The following AGMO variants were observed in gnomAD, a reference collection of about 807,000 sequenced individuals.
The protein encoded by AGMO is alkylglycerol monooxygenase.
Under a neutral mutation model 60.2 loss-of-function variants are expected in AGMO, and 75 were observed. The observed-to-expected ratio is 1.25, with a 90% CI of 1.03 to 1.51. The LOEUF is 1.51. Among genes scored for constraint, AGMO ranks in the 40% most tolerant of loss-of-function variants. The probability of loss-of-function intolerance (pLI) is 0.00; values close to 1 mark genes in which losing one functional copy is unlikely to be tolerated. For missense variants in AGMO, 763 were observed against 525.5 expected (o/e 1.45, Z -4.42); for synonymous variants, 261 against 177.1 (o/e 1.47, Z -3.76).
chr7:15,525,396 C>G (rs1385889586), intron 3 of AGMO, among the ~76,000 whole-genome samples: 1 of 152,040 alleles, frequency 6.6e-6, no homozygotes, highest in Non-Finnish European at 1.5e-5. Context: ...TTTACATATA[C>G]CTACCCTTCC....
intron 12 of AGMO, among the ~76,000 whole-genome samples, chr7:15,227,399 T>C (rs1032307034): frequency 6.6e-6 from 1 of 151,454 alleles, no homozygotes; most frequent in Non-Finnish European, 1.5e-5. Context: ...ACTGAAACTG[T>C]GCCCCAAAGA....
intron 4 of AGMO, among the ~76,000 whole-genome samples, chr7:15,425,951 G>A (rs1781050648): frequency 6.6e-6 from 1 of 152,082 alleles, no homozygotes; most frequent in African/African-American, 2.4e-5. Context: ...AATTTATTAT[G>A]CTTTTGAGAG....
At chr7:15,267,082 G>A (rs1024606220) in intron 12 of AGMO, among the ~76,000 whole-genome samples, 10 of 151,950 alleles carry the variant, frequency 6.6e-5, no homozygotes, top group Admixed American at 1.3e-4. Context: ...CATTAGAGGC[G>A]TCTACTTTGT....
the AGMO span, among the ~76,000 whole-genome samples, chr7:15,165,494 A>G: frequency 2.0e-5 from 3 of 152,226 alleles, no homozygotes; most frequent in African/African-American, 7.2e-5. Context: ...AGAGTCTTAC[A>G]GTTCCTAAAA....
At chr7:15,505,862 A>C (rs1440543538) in intron 3 of AGMO, among the ~76,000 whole-genome samples, 1 of 152,078 alleles carries the variant, frequency 6.6e-6, no homozygotes, top group Non-Finnish European at 1.5e-5. Context: ...AAAAATTACT[A>C]TCAGATGAGT....
At chr7:15,385,862 C>T (rs1371032564) in intron 9 of AGMO, among the ~76,000 whole-genome samples, 1 of 152,132 alleles carries the variant, frequency 6.6e-6, no homozygotes, top group East Asian at 1.9e-4. Flanking sequence ...ACGATCACAT[C>T]TGGCGGCAAA....
chr7:15,540,008 A>T (rs564764410), intron 3 of AGMO, among the ~76,000 whole-genome samples: 2 of 152,320 alleles, frequency 1.3e-5, no homozygotes, highest in Non-Finnish European at 2.9e-5. Flanking sequence ...TAACTTGAAT[A>T]AGGAAAAGTT....
At position 15,552,258 on chromosome 7, in the gene AGMO, G is replaced by A. The variant is rs186522814; in HGVS notation, c.258-7335C>T. ...GCATTACCATTCGGGACATAGGCAT[G>A]GGCAAGGACTTCATGTCCAAAACAC... On this transcript the variant is annotated intron_variant, in intron 2 of 12. Coordinates refer to ENST00000342526, the MANE Select transcript of AGMO (RefSeq NM_001004320.2). Among the ~76,000 whole-genome samples the A allele has an allele frequency of 7.2e-3, 1,091 of 152,244 alleles. 12 individuals are homozygous for A. Among genetic ancestry groups the A allele is most frequent in the African/African-American group, 0.025 (1,045 of 41,542 alleles).
At chr7:15,439,797 G>C (rs1271428850) in intron 3 of AGMO, among the ~76,000 whole-genome samples, 5 of 152,094 alleles carry the variant, frequency 3.3e-5, no homozygotes, top group Non-Finnish European at 7.3e-5. Flanking sequence ...CAAATACAAA[G>C]AGTTGCGTGA....
chr7:15,356,492 T>TA (rs1442990065), intron 12 of AGMO, among the ~76,000 whole-genome samples: 2 of 152,046 alleles, frequency 1.3e-5, no homozygotes, highest in Admixed American at 6.6e-5. Flanking sequence ...TCACAAATTT[T>TA]AAAAAATGAA....
intron 12 of AGMO, among the ~76,000 whole-genome samples, chr7:15,262,129 C>T (rs1783291005): frequency 6.6e-6 from 1 of 151,980 alleles, no homozygotes; most frequent in Admixed American, 6.6e-5. Context: ...GAAGCCCTTG[C>T]CAGAGCAATC....
chr7:15,333,187 C>A (rs536061188), intron 12 of AGMO, among the ~76,000 whole-genome samples: 1 of 152,246 alleles, frequency 6.6e-6, no homozygotes, highest in African/African-American at 2.4e-5. Context: ...ATACTCATCC[C>A]AGCAGGTGTC....
At chr7:15,228,383 C>G (rs1317963250) in intron 12 of AGMO, among the ~76,000 whole-genome samples, 52 of 152,022 alleles carry the variant, frequency 3.4e-4, no homozygotes, top group Non-Finnish European at 2.9e-5. Context: ...AACAATCTTG[C>G]TAGCTATAGA....
chr7:15,535,817 T>C (rs1252959001), intron 3 of AGMO, among the ~76,000 whole-genome samples: 1 of 151,960 alleles, frequency 6.6e-6, no homozygotes, highest in Non-Finnish European at 1.5e-5. Flanking sequence ...TTTTAGTTAT[T>C]TTCAAGTGAA....
intron 12 of AGMO, among the ~76,000 whole-genome samples, chr7:15,232,681 G>A (rs994861374): frequency 2.6e-5 from 4 of 151,904 alleles, no homozygotes; most frequent in African/African-American, 9.7e-5. Flanking sequence ...AGTAGAATAC[G>A]AATCAAAGGA....
At chr7:15,151,457 A>G in the AGMO span, among the ~76,000 whole-genome samples, 2 of 152,106 alleles carry the variant, frequency 1.3e-5, no homozygotes, top group Non-Finnish European at 2.9e-5. Context: ...TGTTCAGCAC[A>G]ATAAACTTTC....
At chr7:15,145,130 CGTTAA>C in the AGMO span, among the ~76,000 whole-genome samples, 1 of 152,126 alleles carries the variant, frequency 6.6e-6, no homozygotes, top group Non-Finnish European at 1.5e-5. Context: ...GCCCGGCCGG[CGTTAA>C]GTTTATTTTC....
intron 3 of AGMO, among the ~76,000 whole-genome samples, chr7:15,524,397 A>G (rs1469453350): frequency 6.6e-6 from 1 of 152,300 alleles, no homozygotes; most frequent in Non-Finnish European, 1.5e-5. Flanking sequence ...TAAAATAATT[A>G]TGAAATGTTT....
chr7:15,412,339 C>T (rs959023372), intron 5 of AGMO, among the ~76,000 whole-genome samples: 2 of 151,938 alleles, frequency 1.3e-5, no homozygotes, highest in Non-Finnish European at 2.9e-5. Flanking sequence ...TTGTCAATTA[C>T]ATCACTGAAT....
Sources: allele counts gnomAD v4.1 joint callset (sites outside exome capture counted in the v4.1 genomes callset), GRCh38; gene constraint gnomAD v4.1.1; transcripts MANE v1.5; gene names NCBI Gene and HGNC (gene_info 2026-07-23, HGNC 2026-07-21).